MYO19: variants seen among roughly 807,000 people sequenced by gnomAD.
The protein encoded by MYO19 is myosin XIX.
Under a neutral mutation model 129.2 loss-of-function variants are expected in MYO19, and 132 were observed. The ratio of observed to expected loss-of-function variants is 1.02; its 90% CI spans 0.89 to 1.18. MYO19 has a LOEUF of 1.18. Ranked by LOEUF, MYO19 falls within the 50% of genes most tolerant of loss-of-function variation. MYO19 has a pLI of 0.00. For missense variants in MYO19, 1,210 were observed against 1,216.7 expected (o/e 0.99, Z 0.08); for synonymous variants, 531 against 477.2 (o/e 1.11, Z -1.47).
Position 36,511,392 on chromosome 17 carries a change from G to T in MYO19, c.958C>A (p.Pro320Thr), listed in dbSNP as rs1391860430. The T allele has an allele frequency of 6.3e-7, 1 of 1,577,432 alleles. No individual in the cohort carries two copies. Among genetic ancestry groups the T allele is most frequent in the Non-Finnish European group, 8.6e-7 (1 of 1,162,002 alleles). Residue 320 changes from proline (P) to threonine (T), a missense_variant, in exon 12 of 26, where the codon CCC becomes ACC. Coordinates refer to ENST00000614623, the MANE Select transcript of MYO19 (RefSeq NM_001163735.2). The stretch of plus-strand genomic sequence containing the variant: ...TTGGCATCATCCATCGGCTGGCAGG[G>T]CTGGGCTTCATCCTCGGAGGCAGCA... ...QFAASEDEAQ[P>T]CQPMDDAKYS...
rs373428150 is a variant in MYO19 at position 36,503,163 on chromosome 17, G to A, written c.2014C>T (p.Leu672=). The A allele has an allele frequency of 1.9e-5, 31 of 1,613,946 alleles. No individual in the cohort carries two copies. In the African/African-American group the frequency reaches 4.0e-4, roughly 21 times the overall value. The part of the protein sequence containing the change: ...HRNFVERYKL[L]RRLHPCTSSG... ...GATGTGCAAGGATGAAGCCTTCTTA[G>A]TAACTTGTATCGTTCTACAAAGTTT... Residue 672 remains leucine, a synonymous_variant, in exon 21 of 26, where the codon CTA becomes TTA. Transcript: ENST00000614623.
intron 21 of MYO19, 26 bp from the exon 22 acceptor site, chr17:36,501,261 G>C (rs749975971): frequency 4.2e-5 from 67 of 1,594,008 alleles, no homozygotes; most frequent in Non-Finnish European, 5.6e-5. Context: ...GGCCCCATCA[G>C]TGCATGGTCA....
chr17:36,503,890 G>T, intron 20 of MYO19, 60 bp downstream of exon 20: 1 of 1,360,374 alleles, frequency 7.4e-7, no homozygotes. Flanking sequence ...CTTGCCCAAT[G>T]AGAGTCCTGA....
chr17:36,503,873 G>A, intron 20 of MYO19, 77 bp downstream of exon 20: 2 of 1,227,956 alleles, frequency 1.6e-6, no homozygotes, highest in South Asian at 1.8e-5. Context: ...TCTGGGTTGG[G>A]CAGGCTCTTG....
chr17:36,538,254 C>T (rs1289299909), upstream of MYO19: 43 of 1,613,176 alleles, frequency 2.7e-5, no homozygotes, highest in Non-Finnish European at 3.5e-5. Flanking sequence ...CCTGATCCTT[C>T]TTAGTAGTTT....
intron 13 of MYO19, chr17:36,509,926 T>G (rs2072200365): frequency 6.6e-6 from 1 of 152,230 alleles, no homozygotes; most frequent in African/African-American, 2.4e-5. Flanking sequence ...CTTGAGGCAG[T>G]GGTAACTAGT....
At chr17:36,532,783 G>A (rs146104579) in intron 2 of MYO19, 102 bp from the exon 3 acceptor site, 1 of 591,358 alleles carries the variant, frequency 1.7e-6, no homozygotes, top group African/African-American at 1.9e-5. Flanking sequence ...AAAATGAGAT[G>A]CAAGGCAGGC....
At chr17:36,541,277 T>G (rs535307498) in intron 2 of MYO19, among the ~76,000 whole-genome samples, 10 of 152,118 alleles carry the variant, frequency 6.6e-5, no homozygotes, top group Non-Finnish European at 1.3e-4. Flanking sequence ...AAACTGGGGA[T>G]GTCTACTACA....
At chr17:36,518,022 G>A (rs536443670) in intron 6 of MYO19, among the ~76,000 whole-genome samples, 21 of 151,472 alleles carry the variant, frequency 1.4e-4, no homozygotes, top group Non-Finnish European at 2.5e-4. Flanking sequence ...CCCGGGAGGC[G>A]CAGGTTGCAG....
At chr17:36,501,027 A>C in intron 22 of MYO19, 42 bp downstream of exon 22, 1 of 1,602,546 alleles carries the variant, frequency 6.2e-7, no homozygotes, top group Non-Finnish European at 8.5e-7. Context: ...AGGAGAGCAC[A>C]CAGCTTGCCT....
intron 7 of MYO19, among the ~76,000 whole-genome samples, chr17:36,515,529 C>T (rs939966423): frequency 6.6e-6 from 1 of 152,194 alleles, no homozygotes; most frequent in African/African-American, 2.4e-5. Context: ...CACTAATCAC[C>T]TTGTATCCCT....
At chr17:36,506,684 C>T (rs1481083125) in intron 17 of MYO19, 76 bp from the exon 18 acceptor site, 30 of 1,471,964 alleles carry the variant, frequency 2.0e-5, no homozygotes, top group Non-Finnish European at 2.5e-5. Context: ...CCACCCAAGC[C>T]GCAGATGACG....
intron 21 of MYO19, chr17:36,501,667 A>G: frequency 6.3e-6 from 1 of 159,422 alleles, no homozygotes. Flanking sequence ...CGACCCCTCA[A>G]CTCCCCACCA....
At chr17:36,537,770 A>G, upstream of MYO19, 1 of 1,614,102 alleles carries the variant, frequency 6.2e-7, no homozygotes, top group Non-Finnish European at 8.5e-7. Context: ...TAAAATCAAT[A>G]GGCTATCAGG....
At chr17:36,519,230 G>C (rs528657738) in intron 6 of MYO19, among the ~76,000 whole-genome samples, 3 of 152,236 alleles carry the variant, frequency 2.0e-5, no homozygotes, top group African/African-American at 7.2e-5. Context: ...CTTTCAATGA[G>C]AGCAGATTTT....
intron 24 of MYO19, 135 bp downstream of exon 24, chr17:36,498,938 AAT>A: frequency 1.5e-6 from 1 of 671,932 alleles, no homozygotes; most frequent in Non-Finnish European, 2.6e-6. Context: ...ATACATGAGG[AAT>A]ATGAGGCTCA....
chr17:36,526,779 C>T (rs1265053762), intron 5 of MYO19, among the ~76,000 whole-genome samples: 4 of 152,024 alleles, frequency 2.6e-5, no homozygotes, highest in African/African-American at 7.3e-5. Context: ...CCCAGCTACT[C>T]GGGAGGCTGA....
chr17:36,507,365 C>T, intron 16 of MYO19, 34 bp downstream of exon 16: 1 of 1,593,976 alleles, frequency 6.3e-7, no homozygotes, highest in Non-Finnish European at 8.6e-7. Context: ...CAAAGGCCAA[C>T]TCTGGTGCTC....
chr17:36,528,585 G>A (rs539007122), intron 3 of MYO19, among the ~76,000 whole-genome samples: 1 of 152,186 alleles, frequency 6.6e-6, no homozygotes, highest in African/African-American at 2.4e-5. Flanking sequence ...ACAGAAGGGT[G>A]GGAACCTGTA....
Sources: allele counts gnomAD v4.1 joint callset (sites outside exome capture counted in the v4.1 genomes callset), GRCh38; gene constraint gnomAD v4.1.1; transcripts MANE v1.5; gene names NCBI Gene and HGNC (gene_info 2026-07-23, HGNC 2026-07-21).